Variants in GPM6B observed in about 807,000 individuals in gnomAD.
GPM6B encodes glycoprotein M6B.
In GPM6B, 4 loss-of-function variants were observed where a neutral mutation model predicts 27.2. That is an observed-to-expected ratio of 0.15 (90% CI 0.07 to 0.34). GPM6B has a LOEUF of 0.34. Among genes scored for constraint, GPM6B ranks in the 10% least tolerant of loss-of-function variants. The pLI is 1.00. For missense variants in GPM6B, 183 were observed against 261.9 expected (o/e 0.70, Z 2.08); for synonymous variants, 124 against 103.1 (o/e 1.20, Z -1.23).
At chrX:13,898,473 G>A (rs761933878) in intron 1 of GPM6B, among the ~76,000 whole-genome samples, 1 of 112,206 alleles carries the variant, frequency 8.9e-6, no homozygotes, top group African/African-American at 3.2e-5. Context: ...GTATTACCTG[G>A]GAGTTTGTCA....
chrX:13,785,584 G>C lies in GPM6B; in HGVS notation c.368+38C>G, dbSNP rs762458353. On this transcript the variant is annotated intron_variant, in intron 3 of 7. Coordinates refer to ENST00000316715, the MANE Select transcript of GPM6B (RefSeq NM_001001995.3). Reference sequence around the variant, plus strand: ...ATGACAGGCATGAGCCACCACGCCAGGCCTTAGATGCATTTTTAAAGGGAA... The same window carrying C: ...ATGACAGGCATGAGCCACCACGCCACGCCTTAGATGCATTTTTAAAGGGAA... 3 of 1,164,867 alleles carry C rather than the reference G, an allele frequency of 2.6e-6. No homozygotes were observed. The African/African-American group carries it at 5.3e-5, about 20-fold the overall frequency.
chrX:13,782,349 C>G (rs992029012), intron 4 of GPM6B, among the ~76,000 whole-genome samples: 1 of 111,475 alleles, frequency 9.0e-6, no homozygotes, highest in Non-Finnish European at 1.9e-5. Context: ...AGCTCCTCTC[C>G]TCTCCACCAT....
At chrX:13,911,478 A>C (rs2050378341) in intron 1 of GPM6B, among the ~76,000 whole-genome samples, 1 of 112,388 alleles carries the variant, frequency 8.9e-6, no homozygotes, top group African/African-American at 3.2e-5. Context: ...ACATGCCACC[A>C]CTGAAGATTT....
rs911968831 is a variant in GPM6B at position 13,771,982 on chromosome X, T to C, written c.*899A>G. ...TCGTATCCAGACCACTGAAAAATGG[T>C]TTAGAATGGTGGTCATTTTAATAAG... On this transcript the variant is annotated 3_prime_UTR_variant, in exon 8 of 8. Transcript: ENST00000316715. 3.6e-5 allele frequency: 4 copies of C among 112,361 alleles called. No homozygotes were observed. The highest frequency in any genetic ancestry group is 1.3e-4 in the African/African-American group (4 of 30,830). The allele number at this position is 112,361 out of a possible 1,213,427, so 9.3% of individuals were successfully genotyped here. A position where few individuals can be genotyped will look rare whatever the true frequency, so the allele number is the denominator to read the frequency against.
At chrX:13,867,612 C>T (rs1341927847) in intron 1 of GPM6B, among the ~76,000 whole-genome samples, 7 of 111,861 alleles carry the variant, frequency 6.3e-5, no homozygotes, top group Non-Finnish European at 1.3e-4. Flanking sequence ...TGAAGTTATA[C>T]ACATCTTCGT....
chrX:13,899,795 C>T (rs1165207361), intron 1 of GPM6B, among the ~76,000 whole-genome samples: 1 of 111,467 alleles, frequency 9.0e-6, no homozygotes, highest in Non-Finnish European at 1.9e-5. Context: ...CCCTACCACC[C>T]GAACAGGTTG....
At chrX:13,868,945 G>A (rs1315085104) in intron 1 of GPM6B, among the ~76,000 whole-genome samples, 2 of 112,038 alleles carry the variant, frequency 1.8e-5, no homozygotes, top group Non-Finnish European at 3.8e-5. Flanking sequence ...GATGCTTGGA[G>A]ATGGTGTCAA....
chrX:13,810,361 CT>C (rs1164093375), intron 1 of GPM6B, among the ~76,000 whole-genome samples: 7 of 111,907 alleles, frequency 6.3e-5, no homozygotes, highest in African/African-American at 9.8e-5. Flanking sequence ...AGTTCTATCA[CT>C]TTTGATCTGG....
rs1413109869 is a variant in GPM6B, at chrX:13,771,878, A to G, written c.*1003T>C. 8.9e-6 allele frequency: 1 copy of G among 112,627 alleles called. No homozygotes were observed. Among genetic ancestry groups the G allele is most frequent in the African/African-American group, 3.2e-5 (1 of 30,946 alleles). 9.3% of individuals were successfully genotyped at this position (112,627 alleles called of 1,213,427 possible). A position where few individuals can be genotyped will look rare whatever the true frequency, so the allele number is the denominator to read the frequency against. The stretch of plus-strand genomic sequence containing the variant: ...CTAATTTAAATTACTTAAGTATTCA[A>G]GTCTATAAAAGTAGGAGGTTAGAGG... On this transcript the variant is annotated 3_prime_UTR_variant, in exon 8 of 8. Transcript: ENST00000316715.
At chrX:13,781,741 C>G (rs2147121624) in intron 4 of GPM6B, among the ~76,000 whole-genome samples, 1 of 112,054 alleles carries the variant, frequency 8.9e-6, no homozygotes, top group South Asian at 3.8e-4. Flanking sequence ...ATCTTACATT[C>G]ATTGATAAAT....
intron 1 of GPM6B, among the ~76,000 whole-genome samples, chrX:13,877,287 G>T (rs2050043110): frequency 9.0e-6 from 1 of 111,657 alleles, no homozygotes; most frequent in Non-Finnish European, 1.9e-5. Flanking sequence ...TGTAAATTAT[G>T]TTCCACCAAA....
At chrX:13,820,690 C>T (rs775977521), upstream of GPM6B, among the ~76,000 whole-genome samples, 10 of 111,428 alleles carry the variant, frequency 9.0e-5, no homozygotes, top group Non-Finnish European at 1.7e-4. Flanking sequence ...GCTTTAACCA[C>T]GACTCAACAC....
intron 1 of GPM6B, among the ~76,000 whole-genome samples, chrX:13,822,946 A>G (rs2147206820): frequency 8.9e-6 from 1 of 112,384 alleles, no homozygotes; most frequent in South Asian, 3.7e-4. Context: ...GTGACTGTCT[A>G]CATTTGGGTC....
chrX:13,886,719 T>TAAAAAAAAAAAAAAAAACAAA (rs2050139211), intron 1 of GPM6B, among the ~76,000 whole-genome samples: 1 of 35,106 alleles, frequency 2.8e-5, no homozygotes, highest in Non-Finnish European at 4.0e-5. Context: ...AAGTCACTAC[T>TAAAAAAAAAAAAAAAAACAAA]AAAAAAAAAA....
chrX:13,783,099 G>A (rs2048548154), intron 4 of GPM6B, among the ~76,000 whole-genome samples: 1 of 112,373 alleles, frequency 8.9e-6, no homozygotes, highest in Non-Finnish European at 1.9e-5. Flanking sequence ...TGGGAACTTG[G>A]CATTTGAAAA....
intron 1 of GPM6B, among the ~76,000 whole-genome samples, chrX:13,927,434 T>C (rs1021629741): frequency 1.8e-5 from 2 of 112,673 alleles, no homozygotes; most frequent in Non-Finnish European, 3.8e-5. Context: ...TGAAGGAACA[T>C]AGGCAAAGTA....
intron 1 of GPM6B, among the ~76,000 whole-genome samples, chrX:13,828,189 G>A (rs189818497): frequency 3.2e-4 from 36 of 112,104 alleles, no homozygotes; most frequent in African/African-American, 1.2e-3. Flanking sequence ...CAAATTTCAT[G>A]TGTTGGAAAC....
chrX:13,774,265 CTAATGTT>C (rs1347447177), intron 7 of GPM6B: 95 of 841,584 alleles, frequency 1.1e-4, no homozygotes, highest in Non-Finnish European at 1.3e-4. Context: ...ATACTGCTCT[CTAATGTT>C]TAAGTATGAG....
rs944486338 is a variant in GPM6B at position 13,841,488 on chromosome X, G to A, written c.-197-55680C>T. 3.8e-4 allele frequency among the ~76,000 whole-genome samples: 43 copies of A among 111,895 alleles called. No homozygotes were observed. In the Middle Eastern group the frequency reaches 0.019, roughly 48 times the overall value. On this transcript the variant is annotated intron_variant, in intron 1 of 6. Transcript: ENST00000398361. ...GATCTACAGAATGCCTTTACATATC[G>A]TAGGCATGTTCTCTCTAAAATACAT...
Sources: allele counts gnomAD v4.1 joint callset (sites outside exome capture counted in the v4.1 genomes callset), GRCh38; gene constraint gnomAD v4.1.1; transcripts MANE v1.5; gene names NCBI Gene and HGNC (gene_info 2026-07-23, HGNC 2026-07-21).